The following ZNF576 variants were observed in gnomAD, a reference collection of about 807,000 sequenced individuals.
ZNF576 encodes the protein zinc finger protein 576.
ZNF576 carries 9 observed loss-of-function variants against 10.8 expected under a neutral mutation model. The ratio of observed to expected loss-of-function variants is 0.84; its 90% CI spans 0.50 to 1.46. The LOEUF is 1.46. Ranked by LOEUF, ZNF576 falls within the 40% of genes most tolerant of loss-of-function variation. The pLI is 0.00. For synonymous variants in ZNF576, 88 were observed against 89.6 expected, an observed-to-expected ratio of 0.98 and a Z score of 0.10; for missense variants, 191 against 233.7, an observed-to-expected ratio of 0.82 and a Z score of 1.19.
Position 43,599,353 on chromosome 19 carries a change from A to G in ZNF576, c.*95A>G. ...GCAGGAACTCTGGGGGCCCTGAAGG[A>G]TTTGCTTCCCTCCCCTGGGAAGGCA... On this transcript the variant is annotated 3_prime_UTR_variant, in exon 3 of 3. Coordinates refer to ENST00000336564, the MANE Select transcript of ZNF576 (RefSeq NM_001145347.2). The G allele has an allele frequency of 7.5e-7, 1 of 1,333,332 alleles. No homozygotes were observed. Among genetic ancestry groups the G allele is most frequent in the Non-Finnish European group, 1.0e-6 (1 of 986,196 alleles). The allele number at this position is 1,333,332 out of a possible 1,614,324, so 82.6% of individuals were successfully genotyped here.
chr19:43,597,278 C>A (rs989105596), intron 2 of ZNF576, 85 bp downstream of exon 2: 16 of 1,280,926 alleles, frequency 1.2e-5, no homozygotes, highest in East Asian at 2.4e-5. Context: ...GTGTCCAAGG[C>A]GCCACAGAGT....
chr19:43,599,031 G>T lies in ZNF576; in HGVS notation c.286G>T (p.Ala96Ser), dbSNP rs138730124. The T allele has an allele frequency of 6.8e-6, 11 of 1,614,164 alleles. No individual in the cohort carries two copies. In the African/African-American group the frequency reaches 1.5e-4, roughly 22 times the overall value. The change falls in exon 3 of 3, where the codon GCC (alanine) becomes TCC (serine). Residue 96 changes from alanine (A) to serine (S), a missense_variant. Ala to Ser is a moderately conservative substitution (Grantham distance 99). Coordinates refer to ENST00000336564, the MANE Select transcript of ZNF576 (RefSeq NM_001145347.2). ...CACCCACCAGCGCAGCCACGGTCCA[G>T]CCGCCAAGCCCACCCTGCCGGTTGC... ...LITHQRSHGPAAKPTLPVATT... is the reference protein window; with the variant it reads ...LITHQRSHGPSAKPTLPVATT...
In ZNF576 at chr19:43,599,257, G is replaced by A; in HGVS notation, c.512G>A (p.Ter171=). Residue 171 remains the stop codon, a stop_retained_variant, in exon 3 of 3, where the codon TGA becomes TAA. Coordinates refer to ENST00000336564, the MANE Select transcript of ZNF576 (RefSeq NM_001145347.2). ...HYIRHARGEL[*] ...ATTCGGCATGCCCGGGGGGAGCTCT[G>A]AGTGCAGCTTAAGCCTCTCCACGGT... is the stretch of plus-strand genomic sequence containing the variant. 1 of 1,612,298 alleles carries A rather than the reference G, an allele frequency of 6.2e-7. No homozygotes were observed.
In ZNF576 at chr19:43,600,868, CATACCT is replaced by C. The variant is rs1973200633; in HGVS notation, c.*1611_*1616del. On this transcript the variant is annotated 3_prime_UTR_variant, in exon 3 of 3. Coordinates refer to ENST00000336564, the MANE Select transcript of ZNF576 (RefSeq NM_001145347.2). ...TTTAAAAAAAAAGAAAAGAAAGGGA[CATACCT>C]TTTTTCCACCTTCCTAACTGTAATA... 1.3e-5 allele frequency: 2 copies of C among 152,076 alleles called. No individual in the cohort carries two copies. Among genetic ancestry groups the C allele is most frequent in the East Asian group, 1.9e-4 (1 of 5,198 alleles). 9.4% of individuals were successfully genotyped at this position (152,076 alleles called of 1,614,324 possible).
upstream of ZNF576, chr19:43,596,467 C>G (rs1430181881): frequency 2.0e-5 from 3 of 152,406 alleles, no homozygotes; most frequent in Non-Finnish European, 4.4e-5. Flanking sequence ...AGAGGCTCAT[C>G]TGGCAAAAGG....
intron 2 of ZNF576, 126 bp from the exon 3 acceptor site, chr19:43,598,705 C>A: frequency 1.3e-6 from 1 of 797,584 alleles, no homozygotes; most frequent in Non-Finnish European, 2.0e-6. Context: ...GTTTGGTTGT[C>A]CAGCATTAGC....
In ZNF576 at chr19:43,599,525, A is replaced by C; in HGVS notation, c.*267A>C. The C allele has an allele frequency of 2.1e-6, 1 of 474,766 alleles. No individual in the cohort carries two copies. Among genetic ancestry groups the C allele is most frequent in the Non-Finnish European group, 3.7e-6 (1 of 267,244 alleles). 29.4% of individuals were successfully genotyped at this position (474,766 alleles called of 1,614,324 possible). ...AATGGGAAGGGAGTGCGGGAGAGAA[A>C]TGGTTTGTGTCTCCCTTATTCCCAG... On this transcript the variant is annotated 3_prime_UTR_variant, in exon 3 of 3. Transcript: ENST00000336564.
Position 43,599,514 on chromosome 19 carries a change from G to A in ZNF576, c.*256G>A. On this transcript the variant is annotated 3_prime_UTR_variant, in exon 3 of 3. Coordinates refer to ENST00000336564, the MANE Select transcript of ZNF576 (RefSeq NM_001145347.2). ...TAAAAAAAAAAAATGGGAAGGGAGTGCGGGAGAGAAATGGTTTGTGTCTCC... is the reference window on the plus strand; with the variant it reads ...TAAAAAAAAAAAATGGGAAGGGAGTACGGGAGAGAAATGGTTTGTGTCTCC... 1 of 496,096 alleles carries A rather than the reference G, an allele frequency of 2.0e-6. No homozygotes were observed. The allele number at this position is 496,096 out of a possible 1,614,324, so 30.7% of individuals were successfully genotyped here.
rs536078374 is a variant in ZNF576, at chr19:43,599,913, T to C, written c.*655T>C. ...ATATCATTCTAGTCCTGAAATATTT[T>C]TTTCATATGTGTAGGTGAAATGGTA... On this transcript the variant is annotated 3_prime_UTR_variant, in exon 3 of 3. Coordinates refer to ENST00000336564, the MANE Select transcript of ZNF576 (RefSeq NM_001145347.2). 1 of 152,396 alleles carries C rather than the reference T, an allele frequency of 6.6e-6. No homozygotes were observed. The highest frequency in any genetic ancestry group is 2.4e-5 in the African/African-American group (1 of 41,566). 9.4% of individuals were successfully genotyped at this position (152,396 alleles called of 1,614,324 possible).
At chr19:43,596,883 T>C (rs2030722212) in intron 1 of ZNF576, 140 bp downstream of exon 1, 1 of 502,038 alleles carries the variant, frequency 2.0e-6, no homozygotes, top group Non-Finnish European at 3.6e-6. Context: ...TCTAGGGGAG[T>C]CCCAAACCCA....
chr19:43,598,865 CA>C lies in ZNF576; in HGVS notation c.121del (p.Ile41SerfsTer13). The C allele has an allele frequency of 6.3e-7, 1 of 1,584,686 alleles. No homozygotes were observed. The highest frequency in any genetic ancestry group is 8.6e-7 in the Non-Finnish European group (1 of 1,161,092). On this transcript the variant is annotated frameshift_variant, in exon 3 of 3. Coordinates refer to ENST00000336564, the MANE Select transcript of ZNF576 (RefSeq NM_001145347.2). LOFTEE classifies it high-confidence loss of function. ...LGAPKCTRCLITFADSKFQER... is the reference protein window; with the variant it reads ...LGAPKCTRCLXTFADSKFQER... ...GGGCCCCGAAGTGCACCCGCTGCCT[CA>C]TCACCTTCGCAGATTCCAAGTTCCA...
rs1973186757 is a variant in ZNF576 at position 43,599,421 on chromosome 19, G to A, written c.*163G>A. 1.5e-6 allele frequency: 1 copy of A among 687,750 alleles called. No individual in the cohort carries two copies. The highest frequency in any genetic ancestry group is 2.4e-6 in the Non-Finnish European group (1 of 420,938). The allele number at this position is 687,750 out of a possible 1,614,324, so 42.6% of individuals were successfully genotyped here. A position where few individuals can be genotyped will look rare whatever the true frequency, so the allele number is the denominator to read the frequency against. ...AGGACCCAGAAGATTCTTATTTAGA[G>A]CTTCAGTCTTTGGAGCACACAGGGC... On this transcript the variant is annotated 3_prime_UTR_variant, in exon 3 of 3. Transcript: ENST00000336564.
In ZNF576 at chr19:43,599,466, CAG is replaced by C; in HGVS notation, c.*210_*211del. 2 of 536,180 alleles carry C rather than the reference CAG, an allele frequency of 3.7e-6. No individual in the cohort carries two copies. Among genetic ancestry groups the C allele is most frequent in the Non-Finnish European group, 6.5e-6 (2 of 307,088 alleles). The allele number at this position is 536,180 out of a possible 1,614,324, so 33.2% of individuals were successfully genotyped here. On this transcript the variant is annotated 3_prime_UTR_variant, in exon 3 of 3. Transcript: ENST00000336564. ...CAGGGCCTTCGTGAGACAGTGAAATCAGATAATAATGAGATCTTTTGTTAAAA... is the reference window on the plus strand; with the variant it reads ...CAGGGCCTTCGTGAGACAGTGAAATCATAATAATGAGATCTTTTGTTAAAA...
chr19:43,598,653 C>T (rs1973175201), intron 2 of ZNF576, among the ~76,000 whole-genome samples, 178 bp from the exon 3 acceptor site: 1 of 152,228 alleles, frequency 6.6e-6, no homozygotes, highest in African/African-American at 2.4e-5. Flanking sequence ...CTTTGAATCT[C>T]AGTTTGCTCA....
intron 2 of ZNF576, 116 bp from the exon 3 acceptor site, chr19:43,598,715 C>T: frequency 1.1e-6 from 1 of 870,418 alleles, no homozygotes; most frequent in Non-Finnish European, 1.8e-6. Flanking sequence ...CCAGCATTAG[C>T]ATAGAACCTA....
At chr19:43,597,533 C>G (rs1973160876) in intron 2 of ZNF576, 1 of 221,118 alleles carries the variant, frequency 4.5e-6, no homozygotes, top group African/African-American at 2.3e-5. Flanking sequence ...CCTAGACTTT[C>G]AGTGTAACTT....
At chr19:43,598,378 T>C (rs937342216) in intron 2 of ZNF576, among the ~76,000 whole-genome samples, 4 of 152,222 alleles carry the variant, frequency 2.6e-5, no homozygotes, top group African/African-American at 4.8e-5. Context: ...TTAGTCATAA[T>C]TGCAAATGAC....
rs753536896 is a variant in ZNF576 at position 43,598,945 on chromosome 19, A to G, written c.200A>G (p.Gln67Arg). ...GCGGACTTCGTGGCCCAGAAGCTGC[A>G]GGGGGTCCTCTTCATCTGCTTCACC... Reference protein sequence around the residue: ...HPADFVAQKLQGVLFICFTCA... With the variant: ...HPADFVAQKLRGVLFICFTCA... Residue 67 changes from glutamine to arginine, a missense_variant, in exon 3 of 3, where the codon CAG becomes CGG. Gln to Arg is a conservative substitution (Grantham distance 43, BLOSUM62 1). Transcript: ENST00000336564. 3 of 1,614,018 alleles carry G rather than the reference A, an allele frequency of 1.9e-6. No individual in the cohort carries two copies. The South Asian group carries it at 3.3e-5, about 18-fold the overall frequency.
Position 43,597,087 on chromosome 19 carries a change from T to C in ZNF576, c.-15-7T>C. 1 of 1,613,508 alleles carries C rather than the reference T, an allele frequency of 6.2e-7. No individual in the cohort carries two copies. The highest frequency in any genetic ancestry group is 8.5e-7 in the Non-Finnish European group (1 of 1,179,522). ...GCTTCACTTATGCACGCTCCTCTCC[T>C]GACTAGAAGGGTCCCAGCACCATGG... On this transcript the variant is annotated splice_polypyrimidine_tract_variant and splice_region_variant and intron_variant, in intron 1 of 2. Coordinates refer to ENST00000336564, the MANE Select transcript of ZNF576 (RefSeq NM_001145347.2).
Sources: gnomAD v4.1 joint callset for allele counts (sites outside exome capture counted in the v4.1 genomes callset) on GRCh38, gnomAD v4.1.1 for gene constraint, MANE v1.5 for transcripts, NCBI Gene and HGNC (gene_info 2026-07-23, HGNC 2026-07-21) for gene names.